Variants in DCDC1 observed in about 807,000 individuals in gnomAD.
DCDC1 encodes the protein doublecortin domain-containing protein 1.
In DCDC1, 200 loss-of-function variants were observed where a neutral mutation model predicts 178.3. The ratio of observed to expected loss-of-function variants is 1.12; its 90% CI spans 1.00 to 1.26. The LOEUF is 1.26. Among genes scored for constraint, DCDC1 ranks in the 50% most tolerant of loss-of-function variants. The probability of loss-of-function intolerance (pLI) is 0.00; values close to 1 mark genes in which losing one functional copy is unlikely to be tolerated. For synonymous variants in DCDC1, 690 were observed against 604.8 expected (o/e 1.14, Z -2.07); for missense variants, 1,983 against 1,749.2 (o/e 1.13, Z -2.38).
chr11:30,993,598 T>C lies in DCDC1; in HGVS notation c.2592-41030A>G, dbSNP rs1200445689. On this transcript the variant is annotated intron_variant, in intron 20 of 38. Coordinates refer to ENST00000684477, the MANE Select transcript of DCDC1 (RefSeq NM_001387274.1). ...GACATAGAGAAAAACAAGACAATAA[T>C]AACTGATATCAGAAATGAAAAACAA... is the stretch of plus-strand genomic sequence containing the variant. 2.6e-5 allele frequency among the ~76,000 whole-genome samples: 4 copies of C among 151,916 alleles called. No individual in the cohort carries two copies. In the East Asian group the frequency reaches 7.7e-4, roughly 29 times the overall value.
intron 20 of DCDC1, among the ~76,000 whole-genome samples, chr11:30,985,240 A>G (rs1950580391): frequency 2.0e-5 from 3 of 152,192 alleles, no homozygotes; most frequent in Admixed American, 2.0e-4. Context: ...GAAATGAAAA[A>G]AGAAAGCTTC....
At chr11:31,058,635 A>T (rs899854968) in intron 20 of DCDC1, among the ~76,000 whole-genome samples, 1 of 152,066 alleles carries the variant, frequency 6.6e-6, no homozygotes, top group Non-Finnish European at 1.5e-5. Flanking sequence ...TTTAGCATAG[A>T]CTTTGTTTTC....
At chr11:31,344,036 G>C (rs540279029) in intron 1 of DCDC1, among the ~76,000 whole-genome samples, 42 of 152,124 alleles carry the variant, frequency 2.8e-4, no homozygotes, top group Non-Finnish European at 5.1e-4. Context: ...TATTTCTTCT[G>C]TAATGTATCT....
In DCDC1 at chr11:31,181,635, A is replaced by T. The variant is rs184669052; in HGVS notation, c.1222-43851T>A. On this transcript the variant is annotated intron_variant, in intron 9 of 38. Transcript: ENST00000684477. The stretch of plus-strand genomic sequence containing the variant: ...CCTGCAGCAGAGGGGCCTGACTGGT[A>T]AAAGGAAAACTAACAAAAAGAAAGA... Among the ~76,000 whole-genome samples the T allele has an allele frequency of 6.7e-3, 1,014 of 152,318 alleles. 5 individuals carry two copies. Among genetic ancestry groups the T allele is most frequent in the Admixed American group, 8.8e-3 (134 of 15,312 alleles).
intron 9 of DCDC1, among the ~76,000 whole-genome samples, chr11:31,164,947 C>T (rs1966639845): frequency 6.6e-6 from 1 of 152,124 alleles, no homozygotes; most frequent in Non-Finnish European, 1.5e-5. Context: ...CCTTTTCTAT[C>T]ATGTTTTTAC....
intron 1 of DCDC1, among the ~76,000 whole-genome samples, chr11:31,355,823 C>A (rs942988389): frequency 7.2e-5 from 11 of 152,132 alleles, no homozygotes; most frequent in Admixed American, 3.9e-4. Flanking sequence ...CCTGCCTCGA[C>A]CTCCCAAGGT....
At chr11:31,089,646 C>T (rs2093713) in intron 17 of DCDC1, among the ~76,000 whole-genome samples, 72,771 of 149,434 alleles carry the variant, frequency 0.49, 17,994 homozygotes, top group Middle Eastern at 0.57. Flanking sequence ...GTTTTCTCTC[C>T]GGTTTTCCTT....
At chr11:31,010,766 T>A (rs1236365317) in intron 20 of DCDC1, among the ~76,000 whole-genome samples, 1 of 152,248 alleles carries the variant, frequency 6.6e-6, no homozygotes, top group African/African-American at 2.4e-5. Context: ...ATTTTTAAGT[T>A]TTAAATAATT....
intron 9 of DCDC1, among the ~76,000 whole-genome samples, chr11:31,154,422 C>T (rs1965514307): frequency 6.6e-6 from 1 of 152,200 alleles, no homozygotes; most frequent in Non-Finnish European, 1.5e-5. Flanking sequence ...CTTTGATACC[C>T]TCTACTGTGC....
chr11:31,335,277 G>C (rs895238651), intron 2 of DCDC1, among the ~76,000 whole-genome samples, 170 bp downstream of exon 2: 2 of 152,198 alleles, frequency 1.3e-5, no homozygotes, highest in Non-Finnish European at 2.9e-5. Flanking sequence ...ATTTGGGCTG[G>C]AGCACCCTAT....
chr11:31,214,916 T>C (rs1973345556), intron 9 of DCDC1, among the ~76,000 whole-genome samples: 2 of 151,706 alleles, frequency 1.3e-5, no homozygotes, highest in African/African-American at 4.8e-5. Context: ...CATAATTAAA[T>C]ATAAAGGTGA....
chr11:31,093,827 T>G (rs1957963109), intron 16 of DCDC1, among the ~76,000 whole-genome samples: 1 of 152,234 alleles, frequency 6.6e-6, no homozygotes, highest in Non-Finnish European at 1.5e-5. Flanking sequence ...AGGTATAAAC[T>G]AATCAGCAGC....
At chr11:31,169,869 G>A (rs1418950623) in intron 9 of DCDC1, among the ~76,000 whole-genome samples, 1 of 152,162 alleles carries the variant, frequency 6.6e-6, no homozygotes, top group East Asian at 1.9e-4. Flanking sequence ...CTAGGTCTTG[G>A]AGAGACAAAG....
chr11:30,918,145 T>A (rs1945991961), intron 25 of DCDC1, among the ~76,000 whole-genome samples: 1 of 152,154 alleles, frequency 6.6e-6, no homozygotes, highest in Non-Finnish European at 1.5e-5. Flanking sequence ...AAAGTCATTC[T>A]TAGTTTTAAC....
chr11:31,213,619 C>G (rs184133002), intron 9 of DCDC1, among the ~76,000 whole-genome samples: 169 of 151,708 alleles, frequency 1.1e-3, no homozygotes, highest in African/African-American at 3.9e-3. Flanking sequence ...ATTCAGGAGG[C>G]TGAGGCAGGA....
At chr11:31,148,560 T>A (rs1964742660) in intron 9 of DCDC1, among the ~76,000 whole-genome samples, 1 of 151,988 alleles carries the variant, frequency 6.6e-6, no homozygotes, top group African/African-American at 2.4e-5. Flanking sequence ...GCTAAGTAAG[T>A]TTTGGAGAAT....
chr11:31,334,817 C>T (rs1412699386), intron 2 of DCDC1, among the ~76,000 whole-genome samples: 1 of 152,172 alleles, frequency 6.6e-6, no homozygotes, highest in Middle Eastern at 3.2e-3. Context: ...TGTCAGTTGG[C>T]CCCTGCTGGG....
intron 9 of DCDC1, among the ~76,000 whole-genome samples, chr11:31,213,104 T>A (rs1442877652): frequency 6.2e-5 from 1 of 16,236 alleles, no homozygotes; most frequent in Non-Finnish European, 1.8e-4. Context: ...GCCCAGCCTC[T>A]CTCTCTCTCT....
chr11:30,941,238 A>G (rs1947621465), intron 21 of DCDC1, among the ~76,000 whole-genome samples: 1 of 152,022 alleles, frequency 6.6e-6, no homozygotes, highest in Non-Finnish European at 1.5e-5. Context: ...ACCTCAGCCC[A>G]TTTTACTCTA....
Sources: gnomAD v4.1 joint callset for allele counts (sites outside exome capture counted in the v4.1 genomes callset) on GRCh38, gnomAD v4.1.1 for gene constraint, MANE v1.5 for transcripts, NCBI Gene and HGNC (gene_info 2026-07-23, HGNC 2026-07-21) for gene names.